Variants in GATAD2A observed in about 807,000 individuals in gnomAD.
The protein encoded by GATAD2A is transcriptional repressor p66-alpha.
In GATAD2A, 12 loss-of-function variants were observed where a neutral mutation model predicts 68.5. The observed-to-expected ratio is 0.18, with a 90% CI of 0.11 to 0.28. GATAD2A has a LOEUF of 0.28. Ranked by LOEUF, GATAD2A falls within the 10% of genes least tolerant of loss-of-function variation. GATAD2A has a pLI of 1.00. For missense variants in GATAD2A, 755 were observed against 868.5 expected, an observed-to-expected ratio of 0.87 and a Z score of 1.64; for synonymous variants, 410 against 375.3, an observed-to-expected ratio of 1.09 and a Z score of -1.07.
intron 1 of GATAD2A, among the ~76,000 whole-genome samples, chr19:19,399,069 CA>C (rs2049499114): frequency 1.3e-5 from 2 of 148,684 alleles, no homozygotes; most frequent in South Asian, 4.3e-4. Flanking sequence ...AAAAAAAAAG[CA>C]AAAAATTGCC....
intron 2 of GATAD2A, among the ~76,000 whole-genome samples, chr19:19,486,729 C>G (rs2059457653): frequency 6.6e-6 from 1 of 152,210 alleles, no homozygotes. Context: ...TGAGCACTTT[C>G]AGATCAGCAG....
chr19:19,406,532 T>A (rs2050285826), intron 1 of GATAD2A, among the ~76,000 whole-genome samples: 1 of 151,858 alleles, frequency 6.6e-6, no homozygotes, highest in South Asian at 2.1e-4. Context: ...GGGCCGGCCC[T>A]CCCCCAGCTC....
chr19:19,391,168 A>G (rs938818778), intron 1 of GATAD2A, among the ~76,000 whole-genome samples: 1 of 152,246 alleles, frequency 6.6e-6, no homozygotes, highest in Non-Finnish European at 1.5e-5. Flanking sequence ...TTCACTTACT[A>G]GTATGGGAAT....
chr19:19,418,004 G>A (rs1297571481), intron 1 of GATAD2A, among the ~76,000 whole-genome samples: 1 of 152,170 alleles, frequency 6.6e-6, no homozygotes, highest in Non-Finnish European at 1.5e-5. Flanking sequence ...GACATCTGGG[G>A]CACTCAGCTA....
At chr19:19,435,344 C>T (rs748908956) in intron 1 of GATAD2A, among the ~76,000 whole-genome samples, 2 of 152,056 alleles carry the variant, frequency 1.3e-5, no homozygotes, top group Non-Finnish European at 2.9e-5. Context: ...CCACCTCAGC[C>T]TCCCAAGTAG....
chr19:19,388,862 CT>C (rs774096172), intron 1 of GATAD2A, among the ~76,000 whole-genome samples: 2 of 152,086 alleles, frequency 1.3e-5, no homozygotes, highest in Admixed American at 6.6e-5. Context: ...CCGAGACCCC[CT>C]GATTCAATCC....
chr19:19,412,151 ATT>A (rs1395208322), intron 1 of GATAD2A, among the ~76,000 whole-genome samples: 1 of 128,248 alleles, frequency 7.8e-6, no homozygotes, highest in African/African-American at 2.9e-5. Context: ...TTAATTTTTA[ATT>A]TTTTTTTTAA....
chr19:19,426,849 G>A (rs1301156213), intron 1 of GATAD2A, among the ~76,000 whole-genome samples: 3 of 152,210 alleles, frequency 2.0e-5, no homozygotes, highest in Non-Finnish European at 2.9e-5. Flanking sequence ...TTTGAGAAGC[G>A]GAGGGAAGGA....
rs533050435 is a variant in GATAD2A at position 19,456,102 on chromosome 19, C to T, written c.-6-9238C>T. 4.0e-5 allele frequency among the ~76,000 whole-genome samples: 6 copies of T among 148,418 alleles called. No individual in the cohort carries two copies. In the East Asian group the frequency reaches 6.0e-4, roughly 15 times the overall value. ...ACGGGAGGCAGAGTTTGCAGTGAGCCGAGATCGCGCCACTGCACTCCAGCC... is the reference window on the plus strand; with the variant it reads ...ACGGGAGGCAGAGTTTGCAGTGAGCTGAGATCGCGCCACTGCACTCCAGCC... On this transcript the variant is annotated intron_variant, in intron 1 of 11. Transcript: ENST00000683918.
chr19:19,496,077 C>T lies in GATAD2A; in HGVS notation c.782C>T (p.Ser261Phe), dbSNP rs1470647604. The T allele has an allele frequency of 5.0e-6, 8 of 1,613,798 alleles. No homozygotes were observed. Among genetic ancestry groups the T allele is most frequent in the Non-Finnish European group, 6.8e-6 (8 of 1,179,934 alleles). Reference sequence around the variant, plus strand: ...CAAATCCACAGCATTAGGCAACATTCCAGCACAGGGCCACCGCCCCTCCTC... The same window carrying T: ...CAAATCCACAGCATTAGGCAACATTTCAGCACAGGGCCACCGCCCCTCCTC... ...AQQIHSIRQH[S>F]STGPPPLLLA... Residue 261 changes from serine to phenylalanine, a missense_variant, in exon 7 of 12, where the codon TCC (serine) becomes TTC (phenylalanine). Coordinates refer to ENST00000683918, the MANE Select transcript of GATAD2A (RefSeq NM_001384528.1).
chr19:19,464,429 A>G (rs2148005660), intron 1 of GATAD2A, among the ~76,000 whole-genome samples: 2 of 152,330 alleles, frequency 1.3e-5, no homozygotes, highest in South Asian at 4.1e-4. Context: ...TAAGAGTGCC[A>G]GTGTCCCAGA....
intron 1 of GATAD2A, among the ~76,000 whole-genome samples, chr19:19,394,176 C>A (rs558473884): frequency 1.3e-5 from 2 of 152,166 alleles, no homozygotes; most frequent in East Asian, 3.9e-4. Context: ...GTGTGAGCCA[C>A]CATGCCTGGC....
intron 6 of GATAD2A, 47 bp from the exon 7 acceptor site, chr19:19,496,005 T>C: frequency 6.3e-7 from 1 of 1,599,768 alleles, no homozygotes; most frequent in Non-Finnish European, 8.6e-7. Flanking sequence ...CCCGCTCCAT[T>C]GTTGATCTCA....
At chr19:19,436,874 G>C (rs1263123264) in intron 1 of GATAD2A, among the ~76,000 whole-genome samples, 1 of 152,182 alleles carries the variant, frequency 6.6e-6, no homozygotes, top group Admixed American at 6.6e-5. Flanking sequence ...TTTATAGATG[G>C]GGACACACAT....
intron 1 of GATAD2A, among the ~76,000 whole-genome samples, chr19:19,425,342 G>C (rs10423535): frequency 0.035 from 5,326 of 152,052 alleles, 323 homozygotes; most frequent in African/African-American, 0.12. Flanking sequence ...TTTTTATTTT[G>C]ACTGGTCCTG....
intron 2 of GATAD2A, among the ~76,000 whole-genome samples, chr19:19,469,740 T>C (rs929035540): frequency 1.3e-5 from 2 of 151,440 alleles, no homozygotes; most frequent in African/African-American, 4.9e-5. Context: ...AGGTCAGGAG[T>C]TTGATAGCAG....
At chr19:19,423,381 A>G (rs1193191217) in intron 1 of GATAD2A, among the ~76,000 whole-genome samples, 1 of 152,210 alleles carries the variant, frequency 6.6e-6, no homozygotes, top group African/African-American at 2.4e-5. Context: ...TAGTTTCTTC[A>G]TTTATACTTT....
intron 1 of GATAD2A, among the ~76,000 whole-genome samples, chr19:19,421,337 G>A (rs1433062828): frequency 6.6e-6 from 1 of 152,110 alleles, no homozygotes. Context: ...GTGAACTAAC[G>A]CCCCTGCCCC....
intron 9 of GATAD2A, among the ~76,000 whole-genome samples, 185 bp downstream of exon 9, chr19:19,501,601 C>T (rs1485155878): frequency 6.6e-6 from 1 of 152,260 alleles, no homozygotes; most frequent in African/African-American, 2.4e-5. Flanking sequence ...CACTTGCAGG[C>T]TGCCGGCTGA....
Sources: gnomAD v4.1 joint callset for allele counts (sites outside exome capture counted in the v4.1 genomes callset) on GRCh38, gnomAD v4.1.1 for gene constraint, MANE v1.5 for transcripts, NCBI Gene and HGNC (gene_info 2026-07-23, HGNC 2026-07-21) for gene names.